MRTFB: variants seen among roughly 807,000 people sequenced by gnomAD.
The protein encoded by MRTFB is myocardin related transcription factor B, also known as myocardin-related transcription factor B.
Under a neutral mutation model 104.2 loss-of-function variants are expected in MRTFB, and 29 were observed. That is an observed-to-expected ratio of 0.28 (90% CI 0.21 to 0.38). MRTFB has a LOEUF of 0.38. MRTFB is among the 10% of genes least tolerant of loss of function. The pLI, the probability that MRTFB is intolerant of heterozygous loss-of-function variation, is 1.00. For synonymous variants in MRTFB, 535 were observed against 519.5 expected (o/e 1.03, Z -0.41); for missense variants, 1,270 against 1,341.6 (o/e 0.95, Z 0.83).
At position 14,259,520 on chromosome 16, in the gene MRTFB, G is replaced by A. The variant is rs573577886; in HGVS notation, c.2764+1359G>A. Among the ~76,000 whole-genome samples, 6 of 151,956 alleles carry A rather than the reference G, an allele frequency of 3.9e-5. 1 individual carries two copies. Among genetic ancestry groups the A allele is most frequent in the Admixed American group, 3.9e-4 (6 of 15,244 alleles). On this transcript the variant is annotated intron_variant, in intron 16 of 16. Transcript: ENST00000571589. ...CCCTGCCTGTAATCCCAGCACTTTG[G>A]GAGGCCACGGCAAGCGGATCACCTG...
the MRTFB span, among the ~76,000 whole-genome samples, chr16:14,022,882 A>T: frequency 2.0e-5 from 3 of 151,408 alleles, no homozygotes; most frequent in Non-Finnish European, 4.4e-5. Context: ...TTTTTAGTAG[A>T]AGTGAGGTTT....
chr16:14,223,968 G>T (rs2041875451), intron 8 of MRTFB, among the ~76,000 whole-genome samples: 1 of 152,168 alleles, frequency 6.6e-6, no homozygotes, highest in South Asian at 2.1e-4. Flanking sequence ...ATGAAAAGAG[G>T]TTTAATTGAC....
At chr16:14,219,527 A>G (rs529840243) in intron 8 of MRTFB, among the ~76,000 whole-genome samples, 1 of 152,354 alleles carries the variant, frequency 6.6e-6, no homozygotes, top group South Asian at 2.1e-4. Context: ...GGAGTGATCA[A>G]GTCAGCAGAA....
the MRTFB span, among the ~76,000 whole-genome samples, chr16:14,046,525 T>C: frequency 2.0e-5 from 3 of 152,160 alleles, no homozygotes; most frequent in African/African-American, 4.8e-5. Context: ...AAACCTCATA[T>C]TGGGTTTCAT....
Position 14,227,289 on chromosome 16 carries a change from A to AAC in MRTFB, c.694-6855_694-6854dup, listed in dbSNP as rs1555455134. Among the ~76,000 whole-genome samples, 14 of 150,232 alleles carry AAC rather than the reference A, an allele frequency of 9.3e-5. No homozygotes were observed. The East Asian group carries it at 1.6e-3, about 17-fold the overall frequency. ...GAGAGCTTGTTGTTAAAAAAACAAA[A>AAC]ACAAAACAAAAAGAAAGAAAGAAAA... is the stretch of plus-strand genomic sequence containing the variant. On this transcript the variant is annotated intron_variant, in intron 8 of 16. Coordinates refer to ENST00000571589, the MANE Select transcript of MRTFB (RefSeq NM_001308142.2).
At chr16:14,174,300 TTGTTTTGTAACAG>T (rs1158711761) in intron 3 of MRTFB, among the ~76,000 whole-genome samples, 1 of 152,230 alleles carries the variant, frequency 6.6e-6, no homozygotes, top group Non-Finnish European at 1.5e-5. Flanking sequence ...GTTGTCCTTT[TTGTTTTGTAACAG>T]TGGTTGCTGT....
chr16:14,243,551 A>T (rs921943340), intron 10 of MRTFB, among the ~76,000 whole-genome samples: 17 of 152,220 alleles, frequency 1.1e-4, no homozygotes, highest in Non-Finnish European at 2.1e-4. Flanking sequence ...CAAGAGTATC[A>T]CAGTTGGAAG....
chr16:14,149,854 G>GA (rs992488168), intron 3 of MRTFB, among the ~76,000 whole-genome samples: 11 of 152,206 alleles, frequency 7.2e-5, no homozygotes, highest in African/African-American at 2.7e-4. Flanking sequence ...TAGTTTTAAA[G>GA]AAGGAGGGCT....
At chr16:14,168,565 A>G (rs1597137630) in intron 3 of MRTFB, among the ~76,000 whole-genome samples, 2 of 152,216 alleles carry the variant, frequency 1.3e-5, no homozygotes, top group South Asian at 4.1e-4. Context: ...GTATGTATCA[A>G]TCCTTCTTTG....
chr16:14,123,320 C>T (rs1410738114), intron 2 of MRTFB, among the ~76,000 whole-genome samples: 3 of 152,062 alleles, frequency 2.0e-5, no homozygotes, highest in Admixed American at 1.3e-4. Flanking sequence ...CTTTTGTTGC[C>T]GTTGCTTTTG....
rs968693665 is a variant in MRTFB, at chr16:14,263,006, C to A, written c.*1562C>A. The A allele has an allele frequency of 6.6e-6, 1 of 152,562 alleles. No homozygotes were observed. The highest frequency in any genetic ancestry group is 2.4e-5 in the African/African-American group (1 of 41,444). 9.5% of individuals were successfully genotyped at this position (152,562 alleles called of 1,614,324 possible). On this transcript the variant is annotated 3_prime_UTR_variant, in exon 17 of 17. Transcript: ENST00000571589. Reference sequence around the variant, plus strand: ...TCTGGGTTTGTGTTTTGCCTAAGAGCTGATCTTATTTCTGATTTGTGTGTG... The same window carrying A: ...TCTGGGTTTGTGTTTTGCCTAAGAGATGATCTTATTTCTGATTTGTGTGTG...
the MRTFB span, among the ~76,000 whole-genome samples, chr16:14,056,882 C>G: frequency 6.6e-6 from 1 of 152,174 alleles, no homozygotes; most frequent in East Asian, 1.9e-4. Context: ...CATCACAGCA[C>G]TCAGTCTAAC....
At chr16:14,120,510 GGTT>G (rs1185324689) in intron 2 of MRTFB, among the ~76,000 whole-genome samples, 1 of 152,088 alleles carries the variant, frequency 6.6e-6, no homozygotes, top group African/African-American at 2.4e-5. Flanking sequence ...TGAGTAAACT[GGTT>G]GCACAAGCCA....
At chr16:14,094,336 T>A (rs1307442979) in intron 2 of MRTFB, among the ~76,000 whole-genome samples, 3 of 152,200 alleles carry the variant, frequency 2.0e-5, no homozygotes, top group Admixed American at 2.0e-4. Context: ...GAAGAATTTG[T>A]CTGAGTGTAG....
chr16:14,081,508 G>A (rs1018201123), intron 2 of MRTFB, among the ~76,000 whole-genome samples: 8 of 152,068 alleles, frequency 5.3e-5, no homozygotes, highest in Non-Finnish European at 1.0e-4. Context: ...GGCCAGGCTC[G>A]TCTTGAACTC....
chr16:14,032,665 T>C, the MRTFB span, among the ~76,000 whole-genome samples: 2 of 152,176 alleles, frequency 1.3e-5, no homozygotes, highest in Non-Finnish European at 1.5e-5. Flanking sequence ...CTACTTGTGA[T>C]TGGAGGCTGA....
At chr16:14,238,943 A>G (rs1035893280) in intron 9 of MRTFB, among the ~76,000 whole-genome samples, 26 of 152,218 alleles carry the variant, frequency 1.7e-4, no homozygotes, top group African/African-American at 6.3e-4. Flanking sequence ...AGGGCAGATT[A>G]TAGCCTTTGC....
chr16:14,041,495 T>C, the MRTFB span, among the ~76,000 whole-genome samples: 1 of 152,222 alleles, frequency 6.6e-6, no homozygotes, highest in East Asian at 1.9e-4. Context: ...TGTTGTAGCA[T>C]CTCGTTTTCT....
chr16:14,029,530 C>T, the MRTFB span, among the ~76,000 whole-genome samples: 44 of 145,718 alleles, frequency 3.0e-4, no homozygotes, highest in East Asian at 2.6e-3. Flanking sequence ...CACACACACA[C>T]ATATATATAT....
Sources: gnomAD v4.1 joint callset for allele counts (sites outside exome capture counted in the v4.1 genomes callset) on GRCh38, gnomAD v4.1.1 for gene constraint, MANE v1.5 for transcripts, NCBI Gene and HGNC (gene_info 2026-07-23, HGNC 2026-07-21) for gene names.